NFIB: variants seen among roughly 807,000 people sequenced by gnomAD.
The protein encoded by NFIB is nuclear factor I B.
In NFIB, 11 loss-of-function variants were observed where a neutral mutation model predicts 61.5. The ratio of observed to expected loss-of-function variants is 0.18; its 90% CI spans 0.11 to 0.30. NFIB has a LOEUF of 0.30. NFIB is among the 10% of genes least tolerant of loss of function. NFIB has a pLI of 1.00. For missense variants in NFIB, 471 were observed against 608.9 expected, an observed-to-expected ratio of 0.77 and a Z score of 2.38; for synonymous variants, 260 against 216.5, an observed-to-expected ratio of 1.20 and a Z score of -1.76.
At chr9:14,115,495 G>A (rs771981072) in intron 9 of NFIB, among the ~76,000 whole-genome samples, 19 of 152,122 alleles carry the variant, frequency 1.2e-4, no homozygotes, top group Non-Finnish European at 2.4e-4. Context: ...ACAAAGGAAT[G>A]ATGCGGCTTA....
chr9:14,176,387 T>C (rs2046197743), intron 3 of NFIB, among the ~76,000 whole-genome samples: 2 of 152,026 alleles, frequency 1.3e-5, no homozygotes, highest in South Asian at 4.2e-4. Context: ...AAAATTGCAA[T>C]GCCATGTCCT....
chr9:14,424,385 T>A, the NFIB span, among the ~76,000 whole-genome samples: 1 of 152,168 alleles, frequency 6.6e-6, no homozygotes, highest in Admixed American at 6.5e-5. Flanking sequence ...GGAAATAGCA[T>A]ATTGGAATTC....
chr9:14,259,939 T>C (rs145455345), intron 2 of NFIB, among the ~76,000 whole-genome samples: 14 of 152,124 alleles, frequency 9.2e-5, no homozygotes, highest in Admixed American at 3.3e-4. Flanking sequence ...ACAAAACTAT[T>C]GGTGAAAAAC....
chr9:14,108,310 A>C (rs1475534056), intron 10 of NFIB, among the ~76,000 whole-genome samples: 1 of 152,066 alleles, frequency 6.6e-6, no homozygotes, highest in South Asian at 2.1e-4. Context: ...GCTTGCCTCT[A>C]ATAAATGACT....
the NFIB span, among the ~76,000 whole-genome samples, chr9:14,435,086 C>T: frequency 6.6e-6 from 1 of 152,164 alleles, no homozygotes; most frequent in Non-Finnish European, 1.5e-5. Flanking sequence ...ATACATCTTC[C>T]GTCTATGGCC....
At chr9:14,285,881 A>G (rs1326979793) in intron 2 of NFIB, among the ~76,000 whole-genome samples, 1 of 151,428 alleles carries the variant, frequency 6.6e-6, no homozygotes, top group Non-Finnish European at 1.5e-5. Context: ...TATTATCTCC[A>G]TTTTACACAA....
intron 9 of NFIB, among the ~76,000 whole-genome samples, chr9:14,113,292 C>G (rs1057241794): frequency 3.9e-5 from 6 of 152,136 alleles, no homozygotes; most frequent in Admixed American, 2.6e-4. Flanking sequence ...CCTAAAAAAT[C>G]TATCCAGTAA....
At chr9:14,383,866 C>T (rs1190297130) in intron 1 of NFIB, among the ~76,000 whole-genome samples, 4 of 152,178 alleles carry the variant, frequency 2.6e-5, no homozygotes, top group Admixed American at 6.5e-5. Flanking sequence ...ATAATCTTGG[C>T]AACTGCCTCT....
At chr9:14,513,113 C>A in the NFIB span, among the ~76,000 whole-genome samples, 2 of 151,948 alleles carry the variant, frequency 1.3e-5, no homozygotes, top group Admixed American at 6.5e-5. Context: ...AGAAAGTATT[C>A]TTTTATTAAA....
intron 2 of NFIB, among the ~76,000 whole-genome samples, chr9:14,284,085 T>C (rs563231824): frequency 6.6e-6 from 1 of 152,356 alleles, no homozygotes; most frequent in Admixed American, 6.5e-5. Flanking sequence ...GGTTGAATTC[T>C]GACTCTGCCT....
the NFIB span, among the ~76,000 whole-genome samples, chr9:14,463,562 C>T: frequency 1.3e-5 from 2 of 151,268 alleles, no homozygotes; most frequent in African/African-American, 2.4e-5. Flanking sequence ...AGAGTGGCAT[C>T]GTTAAGTGAA....
chr9:14,346,575 C>A (rs1467443610), intron 1 of NFIB, among the ~76,000 whole-genome samples: 2 of 152,186 alleles, frequency 1.3e-5, no homozygotes, highest in East Asian at 3.9e-4. Context: ...GCCCCAGCAA[C>A]GCAGAAGGAG....
At chr9:14,366,223 C>T (rs565727770) in intron 1 of NFIB, among the ~76,000 whole-genome samples, 6 of 152,270 alleles carry the variant, frequency 3.9e-5, no homozygotes, top group East Asian at 3.9e-4. Context: ...AGTTGCATTA[C>T]GCATACCAGA....
At chr9:14,238,041 C>G (rs888822587) in intron 2 of NFIB, among the ~76,000 whole-genome samples, 17 of 151,808 alleles carry the variant, frequency 1.1e-4, no homozygotes, top group African/African-American at 4.1e-4. Flanking sequence ...AAGAGTACAG[C>G]AGGGTAAGGA....
At chr9:14,513,101 G>A in the NFIB span, among the ~76,000 whole-genome samples, 1 of 152,020 alleles carries the variant, frequency 6.6e-6, no homozygotes, top group Non-Finnish European at 1.5e-5. Flanking sequence ...ACACAGAGAT[G>A]CAGAAAGTAT....
intron 1 of NFIB, among the ~76,000 whole-genome samples, chr9:14,350,298 GAAAGTGACGC>G (rs1261400625): frequency 2.0e-5 from 3 of 152,214 alleles, no homozygotes; most frequent in Non-Finnish European, 4.4e-5. Flanking sequence ...GGCAGCCTGC[GAAAGTGACGC>G]AAAATTAAAA....
intron 2 of NFIB, among the ~76,000 whole-genome samples, chr9:14,299,573 GCTTCATCAATAA>G (rs2059638569): frequency 6.6e-6 from 1 of 152,068 alleles, no homozygotes; most frequent in South Asian, 2.1e-4. Context: ...ACTGGTTTAT[GCTTCATCAATAA>G]CTTACTACAT....
chr9:14,158,727 G>T (rs1196513821), intron 3 of NFIB, among the ~76,000 whole-genome samples: 1 of 152,158 alleles, frequency 6.6e-6, no homozygotes, highest in Non-Finnish European at 1.5e-5. Flanking sequence ...TTATTCCCTA[G>T]AACTTGTTTG....
At chr9:14,521,885 T>A in the NFIB span, among the ~76,000 whole-genome samples, 2 of 152,240 alleles carry the variant, frequency 1.3e-5, no homozygotes, top group East Asian at 1.9e-4. Context: ...GGTAGTCCTA[T>A]GGCCAGGAGT....
Sources: allele counts gnomAD v4.1 joint callset (sites outside exome capture counted in the v4.1 genomes callset), GRCh38; gene constraint gnomAD v4.1.1; transcripts MANE v1.5; gene names NCBI Gene and HGNC (gene_info 2026-07-23, HGNC 2026-07-21).